EDN1: variants seen among roughly 807,000 people sequenced by gnomAD.
EDN1 encodes endothelin 1, also known as endothelin-1.
EDN1 carries 11 observed loss-of-function variants against 21.7 expected under a neutral mutation model. That is an observed-to-expected ratio of 0.51 (90% CI 0.32 to 0.84). The LOEUF is 0.84. EDN1 is among the 40% of genes least tolerant of loss of function. EDN1 has a pLI of 0.03. For missense variants in EDN1, 244 were observed against 262.3 expected (o/e 0.93, Z 0.48); for synonymous variants, 85 against 90.6 (o/e 0.94, Z 0.35).
In EDN1 at chr6:12,296,599, G is replaced by A. The variant is rs150657531; in HGVS notation, c.*532G>A. Reference sequence around the variant, plus strand: ...GTAAAATGCAAAACTGAATGAAACTGTTACTACCATAAATCAGGATATGTT... The same window carrying A: ...GTAAAATGCAAAACTGAATGAAACTATTACTACCATAAATCAGGATATGTT... On this transcript the variant is annotated 3_prime_UTR_variant, in exon 5 of 5. Coordinates refer to ENST00000379375, the MANE Select transcript of EDN1 (RefSeq NM_001955.5). 8.0e-4 allele frequency: 128 copies of A among 160,004 alleles called. 1 individual carries two copies. The East Asian group carries it at 0.02, about 25-fold the overall frequency. 9.9% of individuals were successfully genotyped at this position (160,004 alleles called of 1,614,324 possible). A position where few individuals can be genotyped will look rare whatever the true frequency, so the allele number is the denominator to read the frequency against.
chr6:12,269,173 T>A, the EDN1 span, among the ~76,000 whole-genome samples: 1 of 152,198 alleles, frequency 6.6e-6, no homozygotes, highest in Non-Finnish European at 1.5e-5. Context: ...TTTTGCATGT[T>A]GAATTTTGCA....
chr6:12,286,818 C>T (rs1038358279), upstream of EDN1, among the ~76,000 whole-genome samples: 2 of 152,118 alleles, frequency 1.3e-5, no homozygotes, highest in African/African-American at 4.8e-5. Flanking sequence ...AGTGTAGCCT[C>T]AAAAGCAAGA....
At chr6:12,266,355 A>G in the EDN1 span, among the ~76,000 whole-genome samples, 1 of 152,132 alleles carries the variant, frequency 6.6e-6, no homozygotes, top group Non-Finnish European at 1.5e-5. Flanking sequence ...GGTGTGGGCA[A>G]AAAGAGTTTG....
the EDN1 span, among the ~76,000 whole-genome samples, chr6:12,265,834 G>A: frequency 6.6e-6 from 1 of 152,132 alleles, no homozygotes; most frequent in African/African-American, 2.4e-5. Flanking sequence ...AATAAATTTG[G>A]AGAAATGCAG....
rs374402239 is a variant in EDN1 at position 12,296,040 on chromosome 6, T to A, written c.612T>A (p.Tyr204Ter). The A allele has an allele frequency of 6.2e-7, 1 of 1,614,098 alleles. No homozygotes were observed. Among genetic ancestry groups the A allele is most frequent in the East Asian group, 2.2e-5 (1 of 44,866 alleles). Residue 204 changes from tyrosine to a stop codon, truncating the protein, a stop_gained, in exon 5 of 5, where the codon TAT (tyrosine) becomes TAA (stop). Transcript: ENST00000379375. LOFTEE classifies it high-confidence loss of function. ...AAGGCAAGCCCTCCAGAGAGCGTTA[T>A]GTGACCCACAACCGAGCACATTGGT... ...KLKGKPSRER[Y>*]VTHNRAHW
chr6:12,261,940 C>G, the EDN1 span, among the ~76,000 whole-genome samples: 2 of 152,108 alleles, frequency 1.3e-5, no homozygotes, highest in African/African-American at 4.8e-5. Context: ...CCTTAGATAA[C>G]TAGGGAGGAG....
chr6:12,274,129 C>T, the EDN1 span, among the ~76,000 whole-genome samples: 1 of 152,186 alleles, frequency 6.6e-6, no homozygotes, highest in Non-Finnish European at 1.5e-5. Context: ...ACAAATTGTC[C>T]TTTGCCCAGT....
rs748806941 is a variant in EDN1, at chr6:12,294,369, CAGA to C, written c.504_506del (p.Arg168del). 2.1e-4 allele frequency: 347 copies of C among 1,614,026 alleles called. 3 individuals carry two copies. The highest frequency in any genetic ancestry group is 1.7e-3 in the African/African-American group (125 of 74,976). On this transcript the variant is annotated inframe_deletion, in exon 4 of 5. Coordinates refer to ENST00000379375, the MANE Select transcript of EDN1 (RefSeq NM_001955.5). ...AGCAGTTAGTGAGAGGAAGAAAAATCAGAAGAAGTTCAGAGGAACACCTAAGAC... is the reference window on the plus strand; with the variant it reads ...AGCAGTTAGTGAGAGGAAGAAAAATCAGAAGTTCAGAGGAACACCTAAGAC...
chr6:12,272,452 C>CTTTTTT, the EDN1 span, among the ~76,000 whole-genome samples: 4 of 106,810 alleles, frequency 3.7e-5, no homozygotes, highest in African/African-American at 3.7e-5. Context: ...GAGTCATACT[C>CTTTTTT]TTTTTTTTTT....
chr6:12,295,894 C>A, intron 4 of EDN1, 68 bp from the exon 5 acceptor site: 1 of 1,509,682 alleles, frequency 6.6e-7, no homozygotes, highest in Non-Finnish European at 9.1e-7. Flanking sequence ...TCTAATTTTA[C>A]ATGTTTCTTT....
the EDN1 span, among the ~76,000 whole-genome samples, chr6:12,267,446 T>C: frequency 6.6e-6 from 1 of 152,310 alleles, no homozygotes; most frequent in East Asian, 1.9e-4. Flanking sequence ...GAGAAAGTTT[T>C]AGTAGTCTGG....
chr6:12,261,610 G>T, the EDN1 span, among the ~76,000 whole-genome samples: 2 of 152,198 alleles, frequency 1.3e-5, no homozygotes, highest in Non-Finnish European at 2.9e-5. Flanking sequence ...TCACACAGGG[G>T]ATACAGAACA....
At chr6:12,245,412 G>A in the EDN1 span, among the ~76,000 whole-genome samples, 2 of 152,140 alleles carry the variant, frequency 1.3e-5, no homozygotes, top group East Asian at 1.9e-4. Flanking sequence ...CAGCAAACAC[G>A]TTTCATGTCA....
the EDN1 span, among the ~76,000 whole-genome samples, chr6:12,250,343 A>G: frequency 1.3e-5 from 2 of 152,170 alleles, no homozygotes; most frequent in Non-Finnish European, 2.9e-5. Context: ...CTGTCAATAA[A>G]TTCTTTATCT....
At chr6:12,294,637 C>T (rs1762775596) in intron 4 of EDN1, among the ~76,000 whole-genome samples, 1 of 152,204 alleles carries the variant, frequency 6.6e-6, no homozygotes, top group Non-Finnish European at 1.5e-5. Flanking sequence ...ACTTTTAGCA[C>T]ATACCATTTC....
chr6:12,264,625 A>G, the EDN1 span, among the ~76,000 whole-genome samples: 1 of 152,202 alleles, frequency 6.6e-6, no homozygotes, highest in African/African-American at 2.4e-5. Context: ...GGAGCTAAAA[A>G]AAATTGCAAA....
At chr6:12,270,204 T>G in the EDN1 span, among the ~76,000 whole-genome samples, 292 of 152,246 alleles carry the variant, frequency 1.9e-3, no homozygotes, top group Admixed American at 6.1e-3. Context: ...AAAGATTGGT[T>G]GATTTTGTTT....
At chr6:12,241,243 G>A in the EDN1 span, among the ~76,000 whole-genome samples, 300 of 148,948 alleles carry the variant, frequency 2.0e-3, 2 homozygotes, top group African/African-American at 7.1e-3. Flanking sequence ...TTGGCTCACC[G>A]CAACCTCTGC....
chr6:12,246,331 TGCAATCACTTCTTAACATAGCTCAGAG>T, the EDN1 span, among the ~76,000 whole-genome samples: 3 of 152,122 alleles, frequency 2.0e-5, no homozygotes, highest in Non-Finnish European at 4.4e-5. Context: ...GCAGCTCAGA[TGCAATCACTTCTTAACATAGCTCAGAG>T]GCAATCACTT....
Sources: gnomAD v4.1 joint callset for allele counts (sites outside exome capture counted in the v4.1 genomes callset) on GRCh38, gnomAD v4.1.1 for gene constraint, MANE v1.5 for transcripts, NCBI Gene and HGNC (gene_info 2026-07-23, HGNC 2026-07-21) for gene names.